The following NRXN3 variants were observed in gnomAD, a reference collection of about 807,000 sequenced individuals.
NRXN3 encodes neurexin III.
NRXN3 carries 32 observed loss-of-function variants against 137.6 expected under a neutral mutation model. The ratio of observed to expected loss-of-function variants is 0.23; its 90% CI spans 0.18 to 0.31. The LOEUF (loss-of-function observed/expected upper bound fraction) is 0.31, where lower values mean the gene tolerates loss of function less well. NRXN3 is among the 10% of genes least tolerant of loss of function. The pLI is 1.00. For missense variants in NRXN3, 1,574 were observed against 2,062.5 expected (o/e 0.76, Z 4.59); for synonymous variants, 798 against 784.5 (o/e 1.02, Z -0.29).
At chr14:79,778,994 A>G (rs1209605804) in intron 19 of NRXN3, among the ~76,000 whole-genome samples, 3 of 152,262 alleles carry the variant, frequency 2.0e-5, no homozygotes, top group Non-Finnish European at 4.4e-5. Context: ...TCTGCAAAAC[A>G]GAAATGGTGA....
chr14:78,975,984 C>T lies in NRXN3; in HGVS notation c.3142+7638C>T, dbSNP rs921251232. ...AGGGAGGTTGCCTTGCTGAGCAGTG[C>T]AGTCTTTGTATCAGTGTACCTTGGA... On this transcript the variant is annotated intron_variant, in intron 14 of 20. Transcript: ENST00000335750. 3.3e-5 allele frequency among the ~76,000 whole-genome samples: 5 copies of T among 152,168 alleles called. No individual in the cohort carries two copies. In the East Asian group the frequency reaches 9.6e-4, roughly 29 times the overall value.
chr14:79,367,159 A>T (rs1399167182), intron 15 of NRXN3, among the ~76,000 whole-genome samples: 1 of 151,722 alleles, frequency 6.6e-6, no homozygotes, highest in Non-Finnish European at 1.5e-5. Context: ...TATTTTTTGT[A>T]TTTTTAGTAG....
At chr14:78,266,590 C>G (rs1017038324) in intron 2 of NRXN3, among the ~76,000 whole-genome samples, 2 of 152,178 alleles carry the variant, frequency 1.3e-5, no homozygotes, top group African/African-American at 2.4e-5. Flanking sequence ...AGCCACCAAG[C>G]CCAGCCTAAT....
intron 4 of NRXN3, among the ~76,000 whole-genome samples, chr14:78,508,849 T>A (rs2096050379): frequency 6.6e-6 from 1 of 152,186 alleles, no homozygotes; most frequent in Non-Finnish European, 1.5e-5. Context: ...ATGTATATTT[T>A]ACCACAATAA....
intron 15 of NRXN3, among the ~76,000 whole-genome samples, chr14:79,219,128 C>T (rs968984648): frequency 6.6e-6 from 1 of 151,994 alleles, no homozygotes; most frequent in East Asian, 1.9e-4. Context: ...ATGGTGGGCA[C>T]TCAGTTTATT....
chr14:79,181,840 A>G (rs8016731), intron 15 of NRXN3, among the ~76,000 whole-genome samples: 42,953 of 151,918 alleles, frequency 0.28, 6,631 homozygotes, highest in Non-Finnish European at 0.35. Flanking sequence ...GAGAGATCCT[A>G]TATTTTATAT....
chr14:79,772,043 A>G (rs1163995622), intron 19 of NRXN3, among the ~76,000 whole-genome samples: 2 of 140,238 alleles, frequency 1.4e-5, no homozygotes, highest in Non-Finnish European at 3.1e-5. Flanking sequence ...CAAAGAGAAT[A>G]AAATACCTAG....
intron 4 of NRXN3, among the ~76,000 whole-genome samples, chr14:78,610,191 GA>G (rs1249604083): frequency 6.6e-6 from 1 of 152,176 alleles, no homozygotes; most frequent in African/African-American, 2.4e-5. Flanking sequence ...GCTGCAAACT[GA>G]CAGCCCATGC....
chr14:78,798,268 C>A (rs545870006), intron 8 of NRXN3, among the ~76,000 whole-genome samples: 60 of 152,206 alleles, frequency 3.9e-4, no homozygotes, highest in African/African-American at 1.3e-3. Context: ...ATAGCCATTC[C>A]AAAGGGGAGA....
chr14:79,719,181 G>A (rs2098833827), intron 19 of NRXN3, among the ~76,000 whole-genome samples: 1 of 151,656 alleles, frequency 6.6e-6, no homozygotes, highest in Admixed American at 6.6e-5. Flanking sequence ...TCTTCCCAAG[G>A]TTTGGACATC....
chr14:78,755,503 A>G (rs1252684354), intron 8 of NRXN3, among the ~76,000 whole-genome samples: 4 of 152,146 alleles, frequency 2.6e-5, no homozygotes, highest in Admixed American at 2.0e-4. Flanking sequence ...GACTTTTGTA[A>G]TGTCTTTTTA....
chr14:78,478,531 GTT>G (rs954229998), intron 4 of NRXN3, among the ~76,000 whole-genome samples: 22 of 151,950 alleles, frequency 1.4e-4, no homozygotes, highest in Admixed American at 1.4e-3. Flanking sequence ...TGTTTTAAAG[GTT>G]TTTAAAAAAG....
At chr14:79,607,556 A>G (rs2098036701) in intron 16 of NRXN3, among the ~76,000 whole-genome samples, 1 of 152,234 alleles carries the variant, frequency 6.6e-6, no homozygotes, top group Non-Finnish European at 1.5e-5. Flanking sequence ...CCCTAAGAAG[A>G]ACATATCTTT....
At chr14:78,742,123 T>C (rs183460949) in intron 8 of NRXN3, among the ~76,000 whole-genome samples, 1 of 152,322 alleles carries the variant, frequency 6.6e-6, no homozygotes, top group East Asian at 1.9e-4. Context: ...CTTAGCTGGC[T>C]TCCCACGGAA....
At chr14:79,193,602 G>T (rs762008336) in intron 15 of NRXN3, among the ~76,000 whole-genome samples, 2 of 152,038 alleles carry the variant, frequency 1.3e-5, no homozygotes, top group Non-Finnish European at 2.9e-5. Context: ...TCATTGAGAA[G>T]GCCCCTCTCA....
chr14:78,837,492 G>GTT (rs57740252), intron 10 of NRXN3, among the ~76,000 whole-genome samples: 25 of 149,494 alleles, frequency 1.7e-4, no homozygotes, highest in East Asian at 7.9e-4. Context: ...ATTTTTGTGG[G>GTT]TTTTTTTTTT....
At chr14:79,308,722 C>T (rs1300447650) in intron 15 of NRXN3, among the ~76,000 whole-genome samples, 4 of 151,822 alleles carry the variant, frequency 2.6e-5, no homozygotes, top group African/African-American at 9.7e-5. Context: ...AAAAGTGTCT[C>T]TCTTGTCTTG....
chr14:78,675,138 C>G (rs1478223500), intron 6 of NRXN3, among the ~76,000 whole-genome samples: 1 of 152,124 alleles, frequency 6.6e-6, no homozygotes, highest in South Asian at 2.1e-4. Context: ...CTCTGGTCTC[C>G]TTGTCCTGTG....
intron 19 of NRXN3, among the ~76,000 whole-genome samples, chr14:79,800,549 A>G (rs2140479672): frequency 6.6e-6 from 1 of 152,354 alleles, no homozygotes; most frequent in South Asian, 2.1e-4. Flanking sequence ...AAATACACAG[A>G]CATGCAGCCT....
Sources: allele counts gnomAD v4.1 joint callset (sites outside exome capture counted in the v4.1 genomes callset), GRCh38; gene constraint gnomAD v4.1.1; transcripts MANE v1.5; gene names NCBI Gene and HGNC (gene_info 2026-07-23, HGNC 2026-07-21).